Variants in GALNT5 observed in about 807,000 individuals in gnomAD.
GALNT5 encodes UDP-GalNAc:polypeptide N-acetylgalactosaminyltransferase 5.
GALNT5 carries 72 observed loss-of-function variants against 85.4 expected under a neutral mutation model. The ratio of observed to expected loss-of-function variants is 0.84; its 90% CI spans 0.70 to 1.03. The LOEUF (loss-of-function observed/expected upper bound fraction) is 1.03. GALNT5 is among the 50% of genes least tolerant of loss of function. GALNT5 has a pLI of 0.00. For synonymous variants in GALNT5, 404 were observed against 397.0 expected (o/e 1.02, Z -0.21); for missense variants, 1,137 against 1,135.5 (o/e 1.00, Z -0.02).
At chr2:157,278,688 A>G (rs1277449459) in intron 1 of GALNT5, among the ~76,000 whole-genome samples, 1 of 152,040 alleles carries the variant, frequency 6.6e-6, no homozygotes, top group Non-Finnish European at 1.5e-5. Context: ...TCTTCTCTAC[A>G]CTGTTTATTC....
intron 3 of GALNT5, among the ~76,000 whole-genome samples, chr2:157,292,596 T>C (rs1683123211): frequency 6.6e-6 from 1 of 152,170 alleles, no homozygotes; most frequent in Non-Finnish European, 1.5e-5. Context: ...CTGAGAAAGA[T>C]AATCCAGGCC....
Position 157,258,229 on chromosome 2 carries a change from T to C in GALNT5, c.147T>C (p.Ile49=), listed in dbSNP as rs771317276. 41 of 1,613,436 alleles carry C rather than the reference T, an allele frequency of 2.5e-5. No homozygotes were observed. The highest frequency in any genetic ancestry group is 1.7e-6 in the Non-Finnish European group (2 of 1,179,876). Residue 49 remains isoleucine (I), a synonymous_variant, in exon 1 of 10, where the codon ATT becomes ATC. Coordinates refer to ENST00000259056, the MANE Select transcript of GALNT5 (RefSeq NM_014568.3). ...EINTRVIKED[I]VRRERIGFRV... The stretch of plus-strand genomic sequence containing the variant: ...ACACTCGGGTCATCAAGGAAGACAT[T>C]GTGAGGAGGGAGCGGATAGGATTCA...
intron 7 of GALNT5, among the ~76,000 whole-genome samples, chr2:157,304,096 C>CT (rs1277977161): frequency 6.6e-6 from 1 of 152,196 alleles, no homozygotes; most frequent in Non-Finnish European, 1.5e-5. Flanking sequence ...TTTATCTCTG[C>CT]TTCAGTACAG....
rs541832462 is a variant in GALNT5, at chr2:157,296,584, A to G, written c.1997+71A>G. The G allele has an allele frequency of 7.9e-5, 90 of 1,137,166 alleles. No individual in the cohort carries two copies. In the East Asian group the frequency reaches 2.1e-3, roughly 26 times the overall value. The allele number at this position is 1,137,166 out of a possible 1,614,324, so 70.4% of individuals were successfully genotyped here. On this transcript the variant is annotated intron_variant, in intron 5 of 9. Transcript: ENST00000259056. ...TGTAAAAGCATTAAAAAATTCTACA[A>G]AACAGCTGTATCTTGTTATTCTATA...
chr2:157,286,494 ATGTTTT>A (rs913620859), intron 3 of GALNT5, among the ~76,000 whole-genome samples: 124 of 151,970 alleles, frequency 8.2e-4, no homozygotes, highest in African/African-American at 2.3e-3. Flanking sequence ...TGTTCCCAAA[ATGTTTT>A]TGTTTTTGTT....
At chr2:157,291,939 G>C (rs199686573) in intron 3 of GALNT5, among the ~76,000 whole-genome samples, 1 of 152,122 alleles carries the variant, frequency 6.6e-6, no homozygotes, top group African/African-American at 2.4e-5. Context: ...TGATTGATAT[G>C]CTAATTACCC....
chr2:157,258,097 A>G lies in GALNT5; in HGVS notation c.15A>G (p.Arg5=). 6.2e-7 allele frequency: 1 copy of G among 1,613,842 alleles called. No homozygotes were observed. The highest frequency in any genetic ancestry group is 8.5e-7 in the Non-Finnish European group (1 of 1,179,998). Residue 5 remains arginine (R), a synonymous_variant, in exon 1 of 10, where the codon CGA becomes CGG. Coordinates refer to ENST00000259056, the MANE Select transcript of GALNT5 (RefSeq NM_014568.3). The part of the protein sequence containing the change: MNRI[R]KFFRGSGRVL... The stretch of plus-strand genomic sequence containing the variant: ...AGCTTTGTACCATGAACAGGATCCG[A>G]AAGTTTTTCCGAGGAAGTGGGCGAG...
At chr2:157,286,803 C>T (rs893204375) in intron 3 of GALNT5, among the ~76,000 whole-genome samples, 1 of 151,866 alleles carries the variant, frequency 6.6e-6, no homozygotes, top group Non-Finnish European at 1.5e-5. Context: ...TTTTTAAATT[C>T]GGGAACTAAT....
At chr2:157,309,839 G>A (rs1428108606) in intron 9 of GALNT5, among the ~76,000 whole-genome samples, 1 of 152,102 alleles carries the variant, frequency 6.6e-6, no homozygotes, top group Non-Finnish European at 1.5e-5. Context: ...TTATTATTGA[G>A]TTATTCAGAA....
In GALNT5 at chr2:157,300,707, T is replaced by C. The variant is rs1683322177; in HGVS notation, c.2147T>C (p.Ile716Thr). The change falls in exon 7 of 10, where the codon ATT becomes ACT. Residue 716 changes from isoleucine (I) to threonine (T), a missense_variant. Ile to Thr is a moderately conservative substitution (Grantham distance 89). Transcript: ENST00000259056. The part of the protein sequence containing the change: ...VWMCGGEIEI[I>T]PCSRVGHIFR... ...ATGTGTGGTGGTGAAATTGAGATCA[T>C]TCCCTGCTCCCGAGTGGGCCATATA... is the stretch of plus-strand genomic sequence containing the variant. The C allele has an allele frequency of 2.5e-6, 4 of 1,613,422 alleles. No individual in the cohort carries two copies. The highest frequency in any genetic ancestry group is 1.7e-5 in the Admixed American group (1 of 60,004).
In GALNT5 at chr2:157,290,112, T is replaced by TATATATATATATATATATATACACACAC. The variant is rs1416458086; in HGVS notation, c.1741+3979_1741+3980insTATATATATATATATATATACACACACA. On this transcript the variant is annotated intron_variant, in intron 3 of 9. Transcript: ENST00000259056. Reference sequence around the variant, plus strand: ...GTATATATATATATATATATATATATACATACACAAACACATATATACATA... The same window carrying TATATATATATATATATATATACACACAC: ...GTATATATATATATATATATATATATATATATATATATATATATATACACACACACATACACAAACACATATATACATA... 7.6e-3 allele frequency among the ~76,000 whole-genome samples: 1,038 copies of TATATATATATATATATATATACACACAC among 136,960 alleles called. 16 individuals are homozygous for TATATATATATATATATATATACACACAC. Among genetic ancestry groups the TATATATATATATATATATATACACACAC allele is most frequent in the African/African-American group, 0.018 (579 of 31,906 alleles). The allele number at this position is 136,960 out of a possible 152,430, so 89.9% of individuals were successfully genotyped here.
Position 157,299,607 on chromosome 2 carries a change from G to T in GALNT5, c.2057G>T (p.Gly686Val). ...GACAAAAGTTACTTTTTTGAACTTG[G>T]AACATACGACCCTGGCCTTGATGTT... ...SIDKSYFFELGTYDPGLDVWG... is the reference protein window; with the variant it reads ...SIDKSYFFELVTYDPGLDVWG... The change falls in exon 6 of 10, where the codon GGA (glycine) becomes GTA (valine). Residue 686 changes from glycine (G) to valine (V), a missense_variant. Physicochemically the swap from Gly to Val is moderately radical, Grantham distance 109. Coordinates refer to ENST00000259056, the MANE Select transcript of GALNT5 (RefSeq NM_014568.3). The T allele has an allele frequency of 6.2e-7, 1 of 1,613,400 alleles. No homozygotes were observed. Among genetic ancestry groups the T allele is most frequent in the South Asian group, 1.1e-5 (1 of 91,060 alleles).
chr2:157,277,337 T>G (rs1294473526), intron 1 of GALNT5, among the ~76,000 whole-genome samples: 3 of 152,170 alleles, frequency 2.0e-5, no homozygotes, highest in Non-Finnish European at 2.9e-5. Flanking sequence ...CTATTAGGTC[T>G]GCTTGGTGCA....
chr2:157,284,473 C>A (rs765365003), intron 2 of GALNT5, 25 bp downstream of exon 2: 2 of 1,601,868 alleles, frequency 1.2e-6, no homozygotes, highest in Admixed American at 1.7e-5. Flanking sequence ...CAGGCTATCT[C>A]TTGAAATTTC....
intron 1 of GALNT5, among the ~76,000 whole-genome samples, chr2:157,277,931 A>G (rs186114540): frequency 2.2e-4 from 33 of 152,224 alleles, no homozygotes; most frequent in African/African-American, 7.7e-4. Flanking sequence ...GGTCTTTACA[A>G]TTTGGTCTGT....
At chr2:157,260,769 T>C (rs774946756) in intron 1 of GALNT5, among the ~76,000 whole-genome samples, 15 of 152,224 alleles carry the variant, frequency 9.9e-5, no homozygotes, top group Non-Finnish European at 1.9e-4. Context: ...AGTCTCTTCA[T>C]TGTGATGTCG....
Position 157,295,671 on chromosome 2 carries a change from T to C in GALNT5, c.1750T>C (p.Leu584=), listed in dbSNP as rs1213283659. The change falls in exon 4 of 10, where the codon TTG becomes CTG. Residue 584 remains leucine (L), a synonymous_variant. Transcript: ENST00000259056. ...TGTGTTTGGCCCTCTAGGTGATGTG[T>C]TGACATTTTTAGATTCTCATGTGGA... ...AGAQNATGDV[L]TFLDSHVECN... is the part of the protein sequence containing the mutation. The C allele has an allele frequency of 1.1e-5, 17 of 1,612,830 alleles. No homozygotes were observed. Among genetic ancestry groups the C allele is most frequent in the African/African-American group, 1.3e-5 (1 of 74,872 alleles).
chr2:157,279,671 G>C lies in GALNT5; in HGVS notation c.1455-4611G>C, dbSNP rs994887935. 6.6e-5 allele frequency among the ~76,000 whole-genome samples: 10 copies of C among 152,338 alleles called. No individual in the cohort carries two copies. The South Asian group carries it at 8.3e-4, about 13-fold the overall frequency. On this transcript the variant is annotated intron_variant, in intron 1 of 9. Coordinates refer to ENST00000259056, the MANE Select transcript of GALNT5 (RefSeq NM_014568.3). ...GGTCTGCCAGTTGCTGAGACTGTGG[G>C]AAAAGCACAGTATTTGGGCAGAAGT...
intron 1 of GALNT5, among the ~76,000 whole-genome samples, chr2:157,274,832 T>C (rs985462198): frequency 1.3e-5 from 2 of 152,250 alleles, no homozygotes; most frequent in Admixed American, 6.5e-5. Context: ...CTCTTTAGTT[T>C]AATTAGATCC....
Sources: gnomAD v4.1 joint callset for allele counts (sites outside exome capture counted in the v4.1 genomes callset) on GRCh38, gnomAD v4.1.1 for gene constraint, MANE v1.5 for transcripts, NCBI Gene and HGNC (gene_info 2026-07-23, HGNC 2026-07-21) for gene names.